Variants in RP1 observed in about 807,000 individuals in gnomAD.
RP1 encodes oxygen-regulated protein 1.
A neutral mutation model predicts 14.8 loss-of-function variants in RP1; 16 were observed. That is an observed-to-expected ratio of 1.08 (90% CI 0.73 to 1.65). The LOEUF is 1.65. Ranked by LOEUF, RP1 falls within the 40% of genes most tolerant of loss-of-function variation. The pLI is 0.00. For missense variants in RP1, 2,631 were observed against 2,535.0 expected (o/e 1.04, Z -0.81); for synonymous variants, 876 against 883.6 (o/e 0.99, Z 0.15).
chr8:54,621,005 T>G lies in RP1; in HGVS notation c.39T>G (p.His13Gln). Reference protein sequence around the residue: ...DTPSTGFSIIHPTSSEGQVPP... With the variant: ...DTPSTGFSIIQPTSSEGQVPP... ...CTTCTACTGGTTTTTCCATCATTCA[T>G]CCTACGTCTTCTGAAGGTCAAGTTC... Residue 13 changes from histidine (H) to glutamine (Q), a missense_variant, in exon 2 of 4, where the codon CAT (histidine) becomes CAG (glutamine). Physicochemically the swap from His to Gln is conservative, Grantham distance 24. Coordinates refer to ENST00000220676, the MANE Select transcript of RP1 (RefSeq NM_006269.2). The G allele has an allele frequency of 6.2e-7, 1 of 1,614,178 alleles. No individual in the cohort carries two copies. The highest frequency in any genetic ancestry group is 8.5e-7 in the Non-Finnish European group (1 of 1,180,038).
At chr8:54,601,558 A>T (rs1243697301) in intron 1 of RP1, among the ~76,000 whole-genome samples, 1 of 149,628 alleles carries the variant, frequency 6.7e-6, no homozygotes, top group Admixed American at 6.6e-5. Context: ...TGTATCCTAA[A>T]ACTTAAAGTA....
chr8:54,789,625 C>A (rs76606598), intron 24 of RP1, among the ~76,000 whole-genome samples: 2,598 of 152,268 alleles, frequency 0.017, 88 homozygotes, highest in African/African-American at 0.059. Flanking sequence ...CTTACAGCCC[C>A]ACCTGACAAT....
At chr8:54,869,879 G>A (rs1424798810) in exon 29 of RP1, 3 of 1,231,830 alleles carry the variant, frequency 2.4e-6, no homozygotes, top group Non-Finnish European at 3.0e-6. Flanking sequence ...GCAAGACCCA[G>A]CGGGAATTGC....
intron 24 of RP1, among the ~76,000 whole-genome samples, chr8:54,811,252 C>T (rs1810986398): frequency 6.6e-6 from 1 of 152,158 alleles, no homozygotes; most frequent in Admixed American, 6.5e-5. Context: ...GGCCTGTCTT[C>T]CCATGTCTGC....
At chr8:54,792,715 TG>T (rs1354603690) in intron 24 of RP1, among the ~76,000 whole-genome samples, 1 of 151,854 alleles carries the variant, frequency 6.6e-6, no homozygotes, top group Non-Finnish European at 1.5e-5. Context: ...AGTTTATAAC[TG>T]TAAATGGCTA....
chr8:54,620,548 A>C (rs917466974), intron 1 of RP1, among the ~76,000 whole-genome samples: 2 of 152,206 alleles, frequency 1.3e-5, no homozygotes, highest in Non-Finnish European at 2.9e-5. Flanking sequence ...CTGTACGTAT[A>C]CATTTAAATC....
chr8:54,719,002 G>A (rs901578984), intron 15 of RP1, among the ~76,000 whole-genome samples: 8 of 152,100 alleles, frequency 5.3e-5, no homozygotes, highest in Non-Finnish European at 1.2e-4. Flanking sequence ...CATCATTTAG[G>A]AGGTTTGGGA....
intron 24 of RP1, among the ~76,000 whole-genome samples, chr8:54,794,830 A>C (rs1297374926): frequency 6.6e-6 from 1 of 152,078 alleles, no homozygotes; most frequent in Admixed American, 6.6e-5. Flanking sequence ...AATATTTGCA[A>C]ACCAAATATC....
intron 27 of RP1, among the ~76,000 whole-genome samples, chr8:54,859,436 G>C (rs189927132): frequency 2.0e-4 from 30 of 151,662 alleles, no homozygotes; most frequent in Non-Finnish European, 3.2e-4. Flanking sequence ...CACTGTACAG[G>C]GTTTCACTGT....
chr8:54,854,551 G>C (rs900771246), intron 26 of RP1, among the ~76,000 whole-genome samples: 1 of 152,144 alleles, frequency 6.6e-6, no homozygotes, highest in Admixed American at 6.5e-5. Context: ...AATCTAGGGG[G>C]TTGATTAGGA....
chr8:54,718,341 C>G (rs1808452117), intron 15 of RP1, among the ~76,000 whole-genome samples: 1 of 152,130 alleles, frequency 6.6e-6, no homozygotes, highest in African/African-American at 2.4e-5. Flanking sequence ...GAAATCAAGA[C>G]AGTGTGTTAT....
At chr8:54,860,465 G>A (rs1405955062) in intron 27 of RP1, among the ~76,000 whole-genome samples, 3 of 152,170 alleles carry the variant, frequency 2.0e-5, no homozygotes, top group Non-Finnish European at 4.4e-5. Flanking sequence ...ACTCAAATTT[G>A]TAGCAAATTT....
At chr8:54,827,330 A>ATTT (rs111615579) in intron 24 of RP1, among the ~76,000 whole-genome samples, 1 of 145,978 alleles carries the variant, frequency 6.9e-6, no homozygotes, top group African/African-American at 2.5e-5. Context: ...TTTATAGTGT[A>ATTT]TTTTTTTTTT....
chr8:54,659,143 T>C (rs1806822665), intron 6 of RP1, among the ~76,000 whole-genome samples: 1 of 152,176 alleles, frequency 6.6e-6, no homozygotes, highest in Non-Finnish European at 1.5e-5. Flanking sequence ...AGATATATGA[T>C]TGGGAAATAT....
exon 4 of RP1, chr8:54,649,129 G>T: frequency 2.0e-6 from 3 of 1,500,964 alleles, no homozygotes; most frequent in Non-Finnish European, 2.6e-6. Context: ...TTTCAGGTTG[G>T]CCATGAAGAC....
intron 7 of RP1, among the ~76,000 whole-genome samples, chr8:54,664,467 T>C (rs536016722): frequency 6.6e-6 from 1 of 152,254 alleles, no homozygotes; most frequent in African/African-American, 2.4e-5. Context: ...TTGAAACTAC[T>C]GTGCTGTTTT....
intron 1 of RP1, among the ~76,000 whole-genome samples, chr8:54,564,632 T>C (rs890069536): frequency 6.6e-6 from 1 of 152,290 alleles, no homozygotes; most frequent in African/African-American, 2.4e-5. Flanking sequence ...GGCTGTGCTT[T>C]GGGGTTAGAG....
intron 1 of RP1, among the ~76,000 whole-genome samples, chr8:54,590,405 C>G (rs1431229078): frequency 6.6e-6 from 1 of 152,152 alleles, no homozygotes; most frequent in Non-Finnish European, 1.5e-5. Context: ...GTCAAGCTCA[C>G]CAATGACCTC....
chr8:54,839,357 C>T (rs1191970613), intron 25 of RP1, among the ~76,000 whole-genome samples: 5 of 152,198 alleles, frequency 3.3e-5, no homozygotes, highest in African/African-American at 4.8e-5. Context: ...AACCATTCCA[C>T]GCAGATAAGG....
Sources: allele counts gnomAD v4.1 joint callset (sites outside exome capture counted in the v4.1 genomes callset), GRCh38; gene constraint gnomAD v4.1.1; transcripts MANE v1.5; gene names NCBI Gene and HGNC (gene_info 2026-07-23, HGNC 2026-07-21).